Variants in IFIH1 observed in about 807,000 individuals in gnomAD.
IFIH1 encodes the protein interferon induced with helicase C domain 1.
In IFIH1, 125 loss-of-function variants were observed where a neutral mutation model predicts 107.4. The ratio of observed to expected loss-of-function variants is 1.16; its 90% confidence interval spans 1.01 to 1.35. The LOEUF (loss-of-function observed/expected upper bound fraction) is 1.35, where lower values mean the gene tolerates loss of function less well. IFIH1 is among the 40% of genes most tolerant of loss of function. The probability of loss-of-function intolerance (pLI) is 0.00; values close to 1 mark genes in which losing one functional copy is unlikely to be tolerated. For missense variants in IFIH1, 1,333 were observed against 1,213.7 expected (o/e 1.10, Z -1.46); for synonymous variants, 458 against 413.2 (o/e 1.11, Z -1.31).
intron 1 of IFIH1, among the ~76,000 whole-genome samples, chr2:162,315,338 C>A (rs12692648): frequency 1 from 152,095 of 152,330 alleles, 75,930 homozygotes; most frequent in East Asian, 1. Flanking sequence ...CACCAACCCT[C>A]TACCTAATCC....
At chr2:162,307,243 G>A (rs1263043100) in intron 2 of IFIH1, 1 of 154,216 alleles carries the variant, frequency 6.5e-6, no homozygotes, top group African/African-American at 2.4e-5. Context: ...TAAGCATTAT[G>A]CTAATCACAA....
In IFIH1 at chr2:162,285,660, G is replaced by A. The variant is rs567525553; in HGVS notation, c.1095+2475C>T. Among the ~76,000 whole-genome samples, 3 of 151,886 alleles carry A rather than the reference G, an allele frequency of 2.0e-5. No homozygotes were observed. In the South Asian group the frequency reaches 6.2e-4, roughly 32 times the overall value. Reference sequence around the variant, plus strand: ...GCAGTGAATGTGAATAATTAATGAGGATAAATTAATATTTAAACATAGCCA... The same window carrying A: ...GCAGTGAATGTGAATAATTAATGAGAATAAATTAATATTTAAACATAGCCA... On this transcript the variant is annotated intron_variant, in intron 5 of 15. Transcript: ENST00000649979.
intron 4 of IFIH1, among the ~76,000 whole-genome samples, chr2:162,288,892 T>G (rs1682944219): frequency 6.7e-6 from 1 of 148,740 alleles, no homozygotes; most frequent in East Asian, 2.0e-4. Flanking sequence ...TGTAGAAACT[T>G]TATCTGACAA....
chr2:162,311,635 C>A (rs1215617902), intron 1 of IFIH1, among the ~76,000 whole-genome samples: 2 of 151,636 alleles, frequency 1.3e-5, no homozygotes, highest in African/African-American at 4.8e-5. Context: ...TAGTAAATTT[C>A]TTTTAAATGT....
At chr2:162,298,425 T>C (rs1244273541) in intron 3 of IFIH1, among the ~76,000 whole-genome samples, 1 of 152,198 alleles carries the variant, frequency 6.6e-6, no homozygotes, top group Non-Finnish European at 1.5e-5. Flanking sequence ...GCTCCTGTTC[T>C]CCTGCGAGTC....
At chr2:162,281,994 T>C (rs1682818286) in intron 6 of IFIH1, among the ~76,000 whole-genome samples, 1 of 151,996 alleles carries the variant, frequency 6.6e-6, no homozygotes, top group African/African-American at 2.4e-5. Context: ...TTATTATAAA[T>C]TATTTTTATT....
chr2:162,287,776 T>C (rs892964751), intron 5 of IFIH1, among the ~76,000 whole-genome samples: 28 of 151,942 alleles, frequency 1.8e-4, no homozygotes, highest in Non-Finnish European at 2.2e-4. Flanking sequence ...TTCATATTCA[T>C]TTGCAATGAT....
chr2:162,318,256 A>G lies in IFIH1; in HGVS notation c.52T>C (p.Phe18Leu). The change falls in exon 1 of 16, where the codon TTC becomes CTC. Residue 18 changes from phenylalanine (F) to leucine (L), a missense_variant. Transcript: ENST00000649979. ...DENFRYLISC[F>L]RARVKMYIQV... Reference sequence around the variant, plus strand: ...ATGTACATTTTCACCCTGGCCCTGAAGCACGAGATGAGATAGCGGAAATTC... The same window carrying G: ...ATGTACATTTTCACCCTGGCCCTGAGGCACGAGATGAGATAGCGGAAATTC... The G allele has an allele frequency of 6.2e-7, 1 of 1,614,152 alleles. No individual in the cohort carries two copies.
intron 4 of IFIH1, among the ~76,000 whole-genome samples, chr2:162,293,289 C>G (rs183291127): frequency 7.1e-4 from 108 of 151,862 alleles, no homozygotes; most frequent in African/African-American, 2.3e-3. Context: ...GAAACAGATC[C>G]CATAAATAAA....
intron 4 of IFIH1, among the ~76,000 whole-genome samples, chr2:162,293,254 C>T (rs911192453): frequency 6.6e-6 from 1 of 151,822 alleles, no homozygotes; most frequent in Non-Finnish European, 1.5e-5. Flanking sequence ...TGAATACAGT[C>T]TATTTAAATG....
chr2:162,305,652 T>C (rs751612126), intron 3 of IFIH1, among the ~76,000 whole-genome samples: 3 of 152,164 alleles, frequency 2.0e-5, no homozygotes, highest in Non-Finnish European at 4.4e-5. Flanking sequence ...AGTTAGTTTA[T>C]ATGGGCTCAC....
chr2:162,317,947 G>A lies in IFIH1; in HGVS notation c.361C>T (p.Leu121Phe), dbSNP rs776580560. The A allele has an allele frequency of 6.2e-7, 1 of 1,614,184 alleles. No individual in the cohort carries two copies. Among genetic ancestry groups the A allele is most frequent in the East Asian group, 2.2e-5 (1 of 44,870 alleles). The change falls in exon 1 of 16, where the codon CTT becomes TTT. Residue 121 changes from leucine to phenylalanine, a missense_variant. Physicochemically the swap from Leu to Phe is conservative, Grantham distance 22 (BLOSUM62 0). Transcript: ENST00000649979. ...AGCTTGTCCACCAGAGTGGGCTGAA[G>A]GAGGTTCAGCAGTTGGAGATATTCA... ...HDEYLQLLNL[L>F]QPTLVDKLLV...
At chr2:162,271,341 G>A (rs984097007) in intron 13 of IFIH1, among the ~76,000 whole-genome samples, 8 of 151,494 alleles carry the variant, frequency 5.3e-5, no homozygotes, top group Admixed American at 1.3e-4. Context: ...ATCATTCTGA[G>A]CAAACTATCA....
At chr2:162,272,497 T>C in intron 12 of IFIH1, 110 bp from the exon 13 acceptor site, 1 of 882,608 alleles carries the variant, frequency 1.1e-6, no homozygotes, top group African/African-American at 1.7e-5. Flanking sequence ...ATTGGGTTGT[T>C]CAGCATGCCA....
rs773867824 is a variant in IFIH1 at position 162,282,590 on chromosome 2, G to T, written c.1096-14C>A. 7 of 1,564,084 alleles carry T rather than the reference G, an allele frequency of 4.5e-6. No homozygotes were observed. The highest frequency in any genetic ancestry group is 6.1e-6 in the Non-Finnish European group (7 of 1,145,726). On this transcript the variant is annotated splice_polypyrimidine_tract_variant and intron_variant, in intron 5 of 15. Coordinates refer to ENST00000649979, the MANE Select transcript of IFIH1 (RefSeq NM_022168.4). ...AACTAGCAGTACCTTAAAAAAATGT[G>T]AAGATTTTTTAAAAGAGAGAAAGTT... is the stretch of plus-strand genomic sequence containing the variant.
chr2:162,276,988 T>C (rs1301028597), intron 10 of IFIH1, 42 bp from the exon 11 acceptor site: 1 of 1,452,616 alleles, frequency 6.9e-7, no homozygotes, highest in East Asian at 2.3e-5. Context: ...CAAGCTTGAT[T>C]TAGCCACTCC....
intron 3 of IFIH1, among the ~76,000 whole-genome samples, chr2:162,305,355 A>C (rs1184400612): frequency 1.3e-5 from 2 of 152,188 alleles, no homozygotes; most frequent in East Asian, 3.8e-4. Flanking sequence ...GGATCACCTG[A>C]GGTCAGGAGT....
chr2:162,282,298 C>T, intron 6 of IFIH1, 68 bp downstream of exon 6: 1 of 984,902 alleles, frequency 1.0e-6, no homozygotes, highest in South Asian at 1.8e-5. Flanking sequence ...AAAAAATTAA[C>T]AAATACAGCC....
chr2:162,301,900 C>T (rs1683199676), intron 3 of IFIH1, among the ~76,000 whole-genome samples: 1 of 152,010 alleles, frequency 6.6e-6, no homozygotes, highest in Admixed American at 6.5e-5. Context: ...AGTCTGAGAA[C>T]TGTTCAAATT....
Sources: allele counts gnomAD v4.1 joint callset (sites outside exome capture counted in the v4.1 genomes callset), GRCh38; gene constraint gnomAD v4.1.1; transcripts MANE v1.5; gene names NCBI Gene and HGNC (gene_info 2026-07-23, HGNC 2026-07-21).